Variants in GPRC6A observed in about 807,000 individuals in gnomAD.
GPRC6A encodes G protein-coupled receptor class C group 6 member A, also known as G protein-coupled receptor family C group 6 member A.
GPRC6A carries 54 observed loss-of-function variants against 47.0 expected under a neutral mutation model. The observed-to-expected ratio is 1.15, with a 90% CI of 0.92 to 1.44. The LOEUF (loss-of-function observed/expected upper bound fraction) is 1.44, where lower values mean the gene tolerates loss of function less well. Ranked by LOEUF, GPRC6A falls within the 40% of genes most tolerant of loss-of-function variation. The pLI is 0.00. For synonymous variants in GPRC6A, 347 were observed against 377.1 expected (o/e 0.92, Z 0.93); for missense variants, 1,112 against 1,105.5 (o/e 1.01, Z -0.08).
intron 1 of GPRC6A, among the ~76,000 whole-genome samples, chr6:116,816,629 G>C (rs1270173029): frequency 6.6e-6 from 1 of 152,250 alleles, no homozygotes; most frequent in Non-Finnish European, 1.5e-5. Flanking sequence ...GAGGTACCGG[G>C]TTCATCTCAC....
chr6:116,812,806 G>A (rs950527819), intron 1 of GPRC6A, among the ~76,000 whole-genome samples: 1 of 152,168 alleles, frequency 6.6e-6, no homozygotes, highest in African/African-American at 2.4e-5. Context: ...TAGGAAATGA[G>A]GAAGTTAAAT....
intron 1 of GPRC6A, among the ~76,000 whole-genome samples, chr6:116,826,836 T>C (rs1414393620): frequency 6.6e-6 from 1 of 151,856 alleles, no homozygotes; most frequent in African/African-American, 2.4e-5. Context: ...GAAAATGTGA[T>C]ATATATACAC....
intron 4 of GPRC6A, among the ~76,000 whole-genome samples, chr6:116,799,955 G>A (rs1772607804): frequency 6.6e-6 from 1 of 152,096 alleles, no homozygotes; most frequent in Non-Finnish European, 1.5e-5. Context: ...AGTGGCCACT[G>A]GAATTCTCTT....
At chr6:116,793,698 A>G (rs1772390407) in intron 5 of GPRC6A, among the ~76,000 whole-genome samples, 1 of 152,180 alleles carries the variant, frequency 6.6e-6, no homozygotes, top group Non-Finnish European at 1.5e-5. Context: ...CATATCTCAA[A>G]AAATAATAAA....
chr6:116,810,275 T>C (rs954297031), intron 1 of GPRC6A, among the ~76,000 whole-genome samples: 2 of 152,158 alleles, frequency 1.3e-5, no homozygotes, highest in Non-Finnish European at 2.9e-5. Flanking sequence ...TCAATACACA[T>C]TTTTAAAATG....
intron 3 of GPRC6A, among the ~76,000 whole-genome samples, chr6:116,805,778 A>G (rs9384990): frequency 0.49 from 74,375 of 151,808 alleles, 18,844 homozygotes; most frequent in Middle Eastern, 0.61. Context: ...CTTTGAAGAA[A>G]ACTGGAGTCC....
intron 1 of GPRC6A, among the ~76,000 whole-genome samples, chr6:116,819,576 A>G (rs908184725): frequency 2.6e-5 from 4 of 152,082 alleles, no homozygotes; most frequent in Non-Finnish European, 5.9e-5. Flanking sequence ...GCTCAAATAC[A>G]TGGAAACTGA....
At chr6:116,794,078 G>A (rs1483444632) in intron 5 of GPRC6A, among the ~76,000 whole-genome samples, 1 of 152,180 alleles carries the variant, frequency 6.6e-6, no homozygotes, top group Non-Finnish European at 1.5e-5. Context: ...GTCTCTAGAA[G>A]TGATATTACA....
intron 3 of GPRC6A, among the ~76,000 whole-genome samples, chr6:116,802,468 G>A (rs1176098500): frequency 6.6e-6 from 1 of 151,988 alleles, no homozygotes; most frequent in African/African-American, 2.4e-5. Flanking sequence ...TAGTTTTTAA[G>A]CACACATGGC....
intron 1 of GPRC6A, among the ~76,000 whole-genome samples, chr6:116,821,197 A>G (rs1308213906): frequency 9.9e-5 from 15 of 152,138 alleles, no homozygotes; most frequent in African/African-American, 2.4e-4. Context: ...CCACTGCTCA[A>G]GGAAATAAAA....
chr6:116,811,622 A>G (rs986267002), intron 1 of GPRC6A, among the ~76,000 whole-genome samples: 1 of 152,146 alleles, frequency 6.6e-6, no homozygotes, highest in African/African-American at 2.4e-5. Context: ...CTGAAAAACA[A>G]TTCAGGATAT....
At chr6:116,798,532 C>G (rs1772557592) in intron 4 of GPRC6A, among the ~76,000 whole-genome samples, 1 of 152,006 alleles carries the variant, frequency 6.6e-6, no homozygotes, top group African/African-American at 2.4e-5. Flanking sequence ...AGGATGTCAT[C>G]AAAGGATTCT....
chr6:116,805,436 T>G (rs1050469009), intron 3 of GPRC6A, among the ~76,000 whole-genome samples: 9 of 152,026 alleles, frequency 5.9e-5, no homozygotes, highest in Non-Finnish European at 1.2e-4. Flanking sequence ...ATTGTCTCAT[T>G]TCTTTTACCT....
chr6:116,800,401 C>A (rs1772633324), intron 4 of GPRC6A, among the ~76,000 whole-genome samples, 183 bp downstream of exon 4: 1 of 125,188 alleles, frequency 8.0e-6, no homozygotes, highest in Non-Finnish European at 1.7e-5. Context: ...CTCTTTCTTT[C>A]TTTCTTTTTC....
rs188971795 is a variant in GPRC6A at position 116,792,563 on chromosome 6, C to T, written c.2360G>A (p.Gly787Asp). 149 of 1,611,946 alleles carry T rather than the reference C, an allele frequency of 9.2e-5. 1 individual carries two copies. The South Asian group carries it at 1.5e-3, about 17-fold the overall frequency. ...CCAAGCTATGAAGTAAATGAGCATG[C>T]CAAATGTAATGAATTTGGCTTCATT... is the stretch of plus-strand genomic sequence containing the variant. ...NYNEAKFITF[G>D]MLIYFIAWIT... Residue 787 changes from glycine (G) to aspartate (D), a missense_variant, in exon 6 of 6, where the codon GGC (glycine) becomes GAC (aspartate). Gly to Asp is a moderately conservative substitution (Grantham distance 94). Coordinates refer to ENST00000310357, the MANE Select transcript of GPRC6A (RefSeq NM_148963.4).
chr6:116,812,680 C>T (rs370576490), intron 1 of GPRC6A, among the ~76,000 whole-genome samples: 1 of 152,124 alleles, frequency 6.6e-6, no homozygotes, highest in Non-Finnish European at 1.5e-5. Flanking sequence ...TGGAAGCATT[C>T]CCTTTGAAAA....
intron 2 of GPRC6A, among the ~76,000 whole-genome samples, chr6:116,808,395 C>T (rs1319335241): frequency 6.6e-6 from 1 of 152,118 alleles, no homozygotes; most frequent in Non-Finnish European, 1.5e-5. Context: ...TAACTAGTAT[C>T]ATACATAGTC....
intron 1 of GPRC6A, among the ~76,000 whole-genome samples, chr6:116,810,948 C>T (rs1773004086): frequency 1.3e-5 from 2 of 152,092 alleles, no homozygotes. Flanking sequence ...CTGCTGGTTC[C>T]ATGGCTTCCA....
At chr6:116,823,370 T>C (rs73559567) in intron 1 of GPRC6A, among the ~76,000 whole-genome samples, 4,412 of 152,214 alleles carry the variant, frequency 0.029, 165 homozygotes, top group African/African-American at 0.089. Flanking sequence ...TCTTTGCTAA[T>C]GCATAGCAAA....
Sources: gnomAD v4.1 joint callset for allele counts (sites outside exome capture counted in the v4.1 genomes callset) on GRCh38, gnomAD v4.1.1 for gene constraint, MANE v1.5 for transcripts, NCBI Gene and HGNC (gene_info 2026-07-23, HGNC 2026-07-21) for gene names.